Variants in ASIC2 observed in about 807,000 individuals in gnomAD.
ASIC2 encodes acid sensing ion channel subunit 2, also known as acid-sensing ion channel 2.
ASIC2 carries 25 observed loss-of-function variants against 57.3 expected under a neutral mutation model. The ratio of observed to expected loss-of-function variants is 0.44; its 90% CI spans 0.32 to 0.61. The LOEUF is 0.61. ASIC2 is among the 20% of genes least tolerant of loss of function. The pLI is 0.06. For missense variants in ASIC2, 641 were observed against 738.1 expected (o/e 0.87, Z 1.52); for synonymous variants, 319 against 307.5 (o/e 1.04, Z -0.39).
At chr17:33,859,695 T>C (rs369673111) in intron 1 of ASIC2, among the ~76,000 whole-genome samples, 4 of 152,300 alleles carry the variant, frequency 2.6e-5, no homozygotes, top group African/African-American at 9.6e-5. Context: ...TTTTATTTGG[T>C]TATTGTTTTG....
At chr17:33,577,724 T>C (rs953501134) in intron 1 of ASIC2, among the ~76,000 whole-genome samples, 4 of 151,920 alleles carry the variant, frequency 2.6e-5, no homozygotes, top group African/African-American at 9.7e-5. Flanking sequence ...AACTGAGAGA[T>C]GTCCCAGATA....
intron 1 of ASIC2, among the ~76,000 whole-genome samples, chr17:33,745,101 C>A (rs1910220206): frequency 6.6e-6 from 1 of 152,198 alleles, no homozygotes. Context: ...CAAAAATCTA[C>A]TAAAATATGG....
At chr17:33,542,037 C>A (rs760436822) in intron 1 of ASIC2, among the ~76,000 whole-genome samples, 1 of 152,124 alleles carries the variant, frequency 6.6e-6, no homozygotes, top group Non-Finnish European at 1.5e-5. Context: ...CCAATGAATG[C>A]AAAATGCTGA....
At chr17:33,396,249 G>C (rs570082038) in intron 1 of ASIC2, among the ~76,000 whole-genome samples, 1 of 152,310 alleles carries the variant, frequency 6.6e-6, no homozygotes, top group South Asian at 2.1e-4. Flanking sequence ...TCTCATTGCA[G>C]CATCCAGGAG....
rs201527174 is a variant in ASIC2 at position 33,570,029 on chromosome 17, CTT to C, written c.556-457964_556-457963del. On this transcript the variant is annotated intron_variant, in intron 1 of 9. Transcript: ENST00000359872. ...CCCTCCCCATCACTCCTCTCCACCTCTTGTTTGTTGCAGTCCAACTCTTCATT... is the reference window on the plus strand; with the variant it reads ...CCCTCCCCATCACTCCTCTCCACCTCGTTTGTTGCAGTCCAACTCTTCATT... Among the ~76,000 whole-genome samples the C allele has an allele frequency of 5.9e-3, 896 of 152,206 alleles. 6 individuals are homozygous for C. Among genetic ancestry groups the C allele is most frequent in the Non-Finnish European group, 0.01 (692 of 68,022 alleles).
At chr17:33,669,657 T>C (rs895042874) in intron 1 of ASIC2, among the ~76,000 whole-genome samples, 13 of 152,332 alleles carry the variant, frequency 8.5e-5, no homozygotes, top group East Asian at 1.9e-4. Context: ...TGGAAACTTA[T>C]GCCATTAAGA....
intron 1 of ASIC2, among the ~76,000 whole-genome samples, chr17:33,309,431 G>A (rs1906314929): frequency 6.6e-6 from 1 of 152,252 alleles, no homozygotes; most frequent in Middle Eastern, 3.4e-3. Flanking sequence ...GCTGCCCAAG[G>A]GAGGTTCCTA....
intron 1 of ASIC2, among the ~76,000 whole-genome samples, chr17:33,678,131 A>T (rs1797663260): frequency 6.6e-6 from 1 of 152,192 alleles, no homozygotes. Flanking sequence ...AAGATTACAG[A>T]TCACCAAAGG....
chr17:33,317,939 T>C (rs1489327285), intron 1 of ASIC2, among the ~76,000 whole-genome samples: 1 of 151,420 alleles, frequency 6.6e-6, no homozygotes, highest in African/African-American at 2.4e-5. Flanking sequence ...AGGATATGTT[T>C]ATATATGAGC....
chr17:33,298,018 C>T (rs1437084328), upstream of ASIC2, among the ~76,000 whole-genome samples: 1 of 146,772 alleles, frequency 6.8e-6, no homozygotes, highest in African/African-American at 2.5e-5. Context: ...CTGCCTCCCT[C>T]TCCCCTCCTG....
intron 1 of ASIC2, among the ~76,000 whole-genome samples, chr17:33,813,491 C>T (rs1025296152): frequency 1.3e-5 from 2 of 152,180 alleles, no homozygotes; most frequent in Admixed American, 6.5e-5. Context: ...GGCTGGAGTG[C>T]AGTGGCACAA....
At chr17:33,017,218 G>T (rs2091811206) in intron 8 of ASIC2, among the ~76,000 whole-genome samples, 1 of 152,190 alleles carries the variant, frequency 6.6e-6, no homozygotes, top group African/African-American at 2.4e-5. Flanking sequence ...GGTGGAGGGA[G>T]TGTGTGTGCA....
At chr17:33,496,308 A>G (rs1439153948) in intron 1 of ASIC2, among the ~76,000 whole-genome samples, 32 of 152,158 alleles carry the variant, frequency 2.1e-4, no homozygotes, top group Admixed American at 2.1e-3. Context: ...CAAGGCTGGA[A>G]TAGTGGCCCC....
At chr17:33,934,569 A>G (rs1435515033) in intron 1 of ASIC2, among the ~76,000 whole-genome samples, 6 of 152,300 alleles carry the variant, frequency 3.9e-5, no homozygotes, top group Non-Finnish European at 8.8e-5. Flanking sequence ...GGAGGACCTG[A>G]CACACCCCGT....
intron 1 of ASIC2, among the ~76,000 whole-genome samples, chr17:33,944,270 C>A (rs2141980766): frequency 6.6e-6 from 1 of 152,332 alleles, no homozygotes; most frequent in African/African-American, 2.4e-5. Context: ...GGGTGTGACC[C>A]ATAGGGTCTG....
chr17:33,752,500 C>T (rs1003437470), intron 1 of ASIC2, among the ~76,000 whole-genome samples: 1 of 152,152 alleles, frequency 6.6e-6, no homozygotes, highest in African/African-American at 2.4e-5. Context: ...ACAAAGAACT[C>T]TTAAAATTCA....
At chr17:33,704,772 A>G (rs7207102) in intron 1 of ASIC2, among the ~76,000 whole-genome samples, 19,514 of 152,094 alleles carry the variant, frequency 0.13, 1,322 homozygotes, top group Non-Finnish European at 0.14. Context: ...CTGTGTTGGG[A>G]TTGGATGTAA....
chr17:33,513,271 A>G (rs1050105931), intron 1 of ASIC2, among the ~76,000 whole-genome samples: 3 of 152,188 alleles, frequency 2.0e-5, no homozygotes, highest in Non-Finnish European at 2.9e-5. Context: ...ATGATTCTTT[A>G]TCTAATTTCT....
rs111885322 is a variant in ASIC2 at position 33,056,472 on chromosome 17, T to C, written c.988-28080A>G. ...CACCCCCCTCCCTGGCCCAGTAGGATTCAGCCTTCTTTAGGGAATAGACAC... is the reference window on the plus strand; with the variant it reads ...CACCCCCCTCCCTGGCCCAGTAGGACTCAGCCTTCTTTAGGGAATAGACAC... On this transcript the variant is annotated intron_variant, in intron 3 of 9. Coordinates refer to ENST00000225823, the MANE Select transcript of ASIC2 (RefSeq NM_183377.2). Among the ~76,000 whole-genome samples, 464 of 152,184 alleles carry C rather than the reference T, an allele frequency of 3.0e-3. 1 individual carries two copies. Among genetic ancestry groups the C allele is most frequent in the African/African-American group, 9.3e-3 (386 of 41,526 alleles).
Sources: gnomAD v4.1 joint callset for allele counts (sites outside exome capture counted in the v4.1 genomes callset) on GRCh38, gnomAD v4.1.1 for gene constraint, MANE v1.5 for transcripts, NCBI Gene and HGNC (gene_info 2026-07-23, HGNC 2026-07-21) for gene names.